Variants in C13orf42 observed in about 807,000 individuals in gnomAD.
C13orf42 encodes the protein uncharacterized protein C13orf42.
chr13:51,096,383 G>T (rs1211716067), intron 1 of C13orf42, among the ~76,000 whole-genome samples: 1 of 152,160 alleles, frequency 6.6e-6, no homozygotes, highest in East Asian at 1.9e-4. Flanking sequence ...CTTCTCCATG[G>T]CCTTGTAAGG....
At chr13:51,144,778 A>T (rs1033957912) in intron 1 of C13orf42, among the ~76,000 whole-genome samples, 2 of 152,232 alleles carry the variant, frequency 1.3e-5, no homozygotes, top group Non-Finnish European at 2.9e-5. Context: ...ACTCATGGGT[A>T]TTTGATGGCA....
At chr13:51,151,409 C>T (rs1414650338) in intron 1 of C13orf42, among the ~76,000 whole-genome samples, 3 of 151,810 alleles carry the variant, frequency 2.0e-5, no homozygotes, top group Non-Finnish European at 4.4e-5. Flanking sequence ...AACAAACAAA[C>T]AAAAACTCAG....
At chr13:51,150,250 G>A (rs1953768557) in intron 1 of C13orf42, among the ~76,000 whole-genome samples, 1 of 152,180 alleles carries the variant, frequency 6.6e-6, no homozygotes, top group South Asian at 2.1e-4. Flanking sequence ...GGCAGCCCTT[G>A]GTCACTTGGT....
intron 1 of C13orf42, among the ~76,000 whole-genome samples, chr13:51,165,831 T>C (rs1953898378): frequency 6.6e-6 from 1 of 152,226 alleles, no homozygotes; most frequent in South Asian, 2.1e-4. Flanking sequence ...AGTAATCATA[T>C]TTTCTGGAAA....
At chr13:51,096,166 G>A (rs1046385680) in intron 1 of C13orf42, among the ~76,000 whole-genome samples, 1 of 152,158 alleles carries the variant, frequency 6.6e-6, no homozygotes, top group Admixed American at 6.5e-5. Flanking sequence ...TGTCCTCAAT[G>A]TCTGCTGCAT....
At chr13:51,090,212 G>A (rs151257064) in intron 1 of C13orf42, among the ~76,000 whole-genome samples, 261 of 152,266 alleles carry the variant, frequency 1.7e-3, no homozygotes, top group Middle Eastern at 3.4e-3. Context: ...CTTTGCCTTG[G>A]ATGTTCTCAT....
intron 1 of C13orf42, among the ~76,000 whole-genome samples, chr13:51,095,552 A>C (rs558448604): frequency 6.6e-6 from 1 of 150,662 alleles, no homozygotes; most frequent in Admixed American, 6.6e-5. Context: ...TTTTTTAACT[A>C]TATCTTCTTT....
At chr13:51,148,616 GA>G (rs1428467161) in intron 1 of C13orf42, among the ~76,000 whole-genome samples, 2 of 152,190 alleles carry the variant, frequency 1.3e-5, no homozygotes, top group Non-Finnish European at 2.9e-5. Flanking sequence ...GACACCTGGG[GA>G]TGAGAAGGAA....
intron 1 of C13orf42, among the ~76,000 whole-genome samples, chr13:51,140,417 T>C (rs1378169447): frequency 6.6e-6 from 1 of 152,228 alleles, no homozygotes; most frequent in Non-Finnish European, 1.5e-5. Flanking sequence ...ACTTTCTAAA[T>C]TAACTGAGAT....
At chr13:51,164,047 A>G (rs185750470) in intron 1 of C13orf42, among the ~76,000 whole-genome samples, 26 of 152,330 alleles carry the variant, frequency 1.7e-4, no homozygotes, top group Admixed American at 5.2e-4. Context: ...TTGTAAGCCA[A>G]TAATGATGCT....
intron 1 of C13orf42, among the ~76,000 whole-genome samples, chr13:51,118,735 T>C (rs1216710556): frequency 5.3e-5 from 8 of 152,190 alleles, no homozygotes; most frequent in Non-Finnish European, 8.8e-5. Flanking sequence ...CTACTACTTG[T>C]ATATGGCATA....
chr13:51,103,884 G>A (rs573956849), intron 1 of C13orf42, among the ~76,000 whole-genome samples: 4 of 152,286 alleles, frequency 2.6e-5, no homozygotes, highest in Non-Finnish European at 4.4e-5. Context: ...CTGGGGAAAG[G>A]GGGAAATGAG....
chr13:51,133,212 C>T (rs1953632507), intron 1 of C13orf42, among the ~76,000 whole-genome samples: 1 of 152,148 alleles, frequency 6.6e-6, no homozygotes, highest in South Asian at 2.1e-4. Context: ...GCACAAGATC[C>T]AAGAACCCTC....
chr13:51,094,369 C>T (rs572995658), intron 1 of C13orf42, among the ~76,000 whole-genome samples: 8 of 152,148 alleles, frequency 5.3e-5, no homozygotes, highest in Non-Finnish European at 1.2e-4. Flanking sequence ...TGAGTTCATA[C>T]TGATATTTGC....
intron 3 of C13orf42, 66 bp from the exon 4 acceptor site, chr13:51,084,391 G>A: frequency 5.0e-6 from 2 of 397,840 alleles, no homozygotes; most frequent in East Asian, 7.1e-5. Flanking sequence ...GGGAAGGGAT[G>A]CTCAATGACC....
intron 1 of C13orf42, among the ~76,000 whole-genome samples, chr13:51,122,119 AAAAGG>A (rs1953540470): frequency 6.6e-6 from 1 of 152,190 alleles, no homozygotes. Flanking sequence ...TATTAAGAGA[AAAAGG>A]AAGGTTGAAA....
At chr13:51,158,266 G>A (rs1200774419) in intron 1 of C13orf42, among the ~76,000 whole-genome samples, 1 of 152,206 alleles carries the variant, frequency 6.6e-6, no homozygotes, top group Non-Finnish European at 1.5e-5. Flanking sequence ...AGGGGTGGAT[G>A]ACATCCTGAA....
At chr13:51,105,467 G>A (rs1455999937) in intron 1 of C13orf42, among the ~76,000 whole-genome samples, 3 of 152,164 alleles carry the variant, frequency 2.0e-5, no homozygotes, top group Non-Finnish European at 4.4e-5. Context: ...ATTATTAAGG[G>A]CATCACTAAC....
chr13:51,118,192 A>C (rs1382697859), intron 1 of C13orf42, among the ~76,000 whole-genome samples: 1 of 152,168 alleles, frequency 6.6e-6, no homozygotes, highest in African/African-American at 2.4e-5. Context: ...TCATTTGTGG[A>C]GTTAGGAAGG....
Sources: allele counts gnomAD v4.1 joint callset (sites outside exome capture counted in the v4.1 genomes callset), GRCh38; gene constraint gnomAD v4.1.1; transcripts MANE v1.5; gene names NCBI Gene and HGNC (gene_info 2026-07-23, HGNC 2026-07-21).